The following BICD1 variants were observed in gnomAD, a reference collection of about 807,000 sequenced individuals.
BICD1 encodes the protein BICD cargo adaptor 1, also known as protein bicaudal D homolog 1.
A neutral mutation model predicts 92.5 loss-of-function variants in BICD1; 35 were observed. That is an observed-to-expected ratio of 0.38 (90% CI 0.29 to 0.50). The LOEUF (loss-of-function observed/expected upper bound fraction) is 0.50, where lower values mean the gene tolerates loss of function less well. BICD1 is among the 20% of genes least tolerant of loss of function. The pLI is 0.93. For missense variants in BICD1, 950 were observed against 1,189.8 expected, an observed-to-expected ratio of 0.80 and a Z score of 2.97; for synonymous variants, 429 against 465.1, an observed-to-expected ratio of 0.92 and a Z score of 1.00.
chr12:32,251,984 T>A (rs1330695713), intron 2 of BICD1, among the ~76,000 whole-genome samples: 1 of 46,036 alleles, frequency 2.2e-5, no homozygotes. Context: ...TACCACTATA[T>A]ATATAATATA....
intron 2 of BICD1, 57 bp from the exon 3 acceptor site, chr12:32,293,937 C>T: frequency 1.3e-6 from 2 of 1,537,532 alleles, no homozygotes; most frequent in South Asian, 2.5e-5. Flanking sequence ...GGACTTTACA[C>T]CTTGTAAAAT....
At chr12:32,180,009 T>A (rs1310763904) in intron 1 of BICD1, among the ~76,000 whole-genome samples, 1 of 120,082 alleles carries the variant, frequency 8.3e-6, no homozygotes, top group Non-Finnish European at 1.8e-5. Context: ...AAAAAAAAAA[T>A]TGGCATGAGA....
chr12:32,228,079 G>T, intron 2 of BICD1: 1 of 235,558 alleles, frequency 4.2e-6, no homozygotes, highest in South Asian at 7.6e-5. Flanking sequence ...AGTTCCACAT[G>T]GACGTAGGAC....
At chr12:32,229,691 A>G (rs1945813059) in intron 2 of BICD1, among the ~76,000 whole-genome samples, 1 of 152,170 alleles carries the variant, frequency 6.6e-6, no homozygotes. Flanking sequence ...GCAGGCAGAG[A>G]ATAGAAGCGT....
In BICD1 at chr12:32,377,806, T is replaced by C; in HGVS notation, c.*179T>C. On this transcript the variant is annotated 3_prime_UTR_variant, in exon 10 of 10. Coordinates refer to ENST00000652176, the MANE Select transcript of BICD1 (RefSeq NM_001714.4). ...ACACGAAGCACAGACCCTGATGTGATAAAACATTTTGTGGTTTCTCTGAGT... is the reference window on the plus strand; with the variant it reads ...ACACGAAGCACAGACCCTGATGTGACAAAACATTTTGTGGTTTCTCTGAGT... 2.0e-6 allele frequency: 1 copy of C among 512,434 alleles called. No individual in the cohort carries two copies. Among genetic ancestry groups the C allele is most frequent in the East Asian group, 3.1e-5 (1 of 32,286 alleles). The allele number at this position is 512,434 out of a possible 1,614,324, so 31.7% of individuals were successfully genotyped here. A position where few individuals can be genotyped will look rare whatever the true frequency, so the allele number is the denominator to read the frequency against.
intron 8 of BICD1, among the ~76,000 whole-genome samples, chr12:32,357,690 A>G (rs940865325): frequency 2.9e-4 from 44 of 152,176 alleles, no homozygotes; most frequent in African/African-American, 1.1e-3. Flanking sequence ...GGATTGCAGA[A>G]GGCCACCTTC....
chr12:32,320,293 G>T (rs1031866093), intron 4 of BICD1, among the ~76,000 whole-genome samples: 12 of 152,106 alleles, frequency 7.9e-5, no homozygotes, highest in Admixed American at 2.0e-4. Flanking sequence ...ATTGCATGAG[G>T]CCAGGAACTC....
At chr12:32,198,676 A>G (rs974506432) in intron 1 of BICD1, among the ~76,000 whole-genome samples, 2 of 151,668 alleles carry the variant, frequency 1.3e-5, no homozygotes, top group East Asian at 3.9e-4. Flanking sequence ...CTGTTTGTAC[A>G]CAAGAACTGT....
At chr12:32,308,459 T>C (rs1948289505) in intron 4 of BICD1, among the ~76,000 whole-genome samples, 1 of 152,234 alleles carries the variant, frequency 6.6e-6, no homozygotes, top group Admixed American at 6.5e-5. Flanking sequence ...TTATGAGTTA[T>C]ATGCAGAGTG....
At chr12:32,281,171 T>C (rs1947402476) in intron 2 of BICD1, among the ~76,000 whole-genome samples, 1 of 152,208 alleles carries the variant, frequency 6.6e-6, no homozygotes, top group South Asian at 2.1e-4. Flanking sequence ...ATTACCTTAT[T>C]ACTCTTTCCC....
At position 32,174,404 on chromosome 12, in the gene BICD1, G is replaced by C. The variant is rs528751566; in HGVS notation, c.214-41843G>C. 1.6e-4 allele frequency among the ~76,000 whole-genome samples: 24 copies of C among 152,162 alleles called. 1 individual carries two copies. The South Asian group carries it at 4.2e-3, about 26-fold the overall frequency. ...TGTAGTCCCAACCACCTGGGAGGCC[G>C]AGGTGGGAGGATTGCTTAAGCCCAG... On this transcript the variant is annotated intron_variant, in intron 1 of 9. Coordinates refer to ENST00000652176, the MANE Select transcript of BICD1 (RefSeq NM_001714.4).
At chr12:32,246,029 C>CAAAAAAAAAA (rs71068311) in intron 2 of BICD1, among the ~76,000 whole-genome samples, 7 of 44,088 alleles carry the variant, frequency 1.6e-4, no homozygotes, top group East Asian at 9.8e-4. Context: ...TACTCTGTCT[C>CAAAAAAAAAA]AAAAAAAAAA....
chr12:32,344,664 G>A (rs1325127768), intron 8 of BICD1, among the ~76,000 whole-genome samples: 4 of 152,150 alleles, frequency 2.6e-5, no homozygotes, highest in African/African-American at 4.8e-5. Flanking sequence ...GTGCACACAC[G>A]ACCTGCTCTT....
At chr12:32,367,513 C>A in intron 8 of BICD1, 157 bp from the exon 9 acceptor site, 1 of 567,922 alleles carries the variant, frequency 1.8e-6, no homozygotes, top group South Asian at 2.9e-5. Flanking sequence ...TTTCTATTGG[C>A]ATCATTCAAG....
intron 4 of BICD1, among the ~76,000 whole-genome samples, chr12:32,317,910 A>G (rs1948548125): frequency 1.3e-5 from 2 of 152,112 alleles, no homozygotes; most frequent in South Asian, 4.2e-4. Flanking sequence ...GAAGGGATCC[A>G]GTTTCAGCTT....
chr12:32,346,220 A>G (rs1345848706), intron 8 of BICD1, among the ~76,000 whole-genome samples: 1 of 151,772 alleles, frequency 6.6e-6, no homozygotes, highest in Non-Finnish European at 1.5e-5. Context: ...TATATCCATA[A>G]TGTGATCATT....
At chr12:32,213,928 T>C (rs1450345100) in intron 1 of BICD1, among the ~76,000 whole-genome samples, 1 of 152,244 alleles carries the variant, frequency 6.6e-6, no homozygotes, top group Non-Finnish European at 1.5e-5. Flanking sequence ...TGATGATTCT[T>C]ACCTGTAACA....
intron 2 of BICD1, among the ~76,000 whole-genome samples, chr12:32,230,359 C>T (rs1945840360): frequency 6.6e-6 from 1 of 151,580 alleles, no homozygotes; most frequent in Non-Finnish European, 1.5e-5. Flanking sequence ...AAGGTCACAC[C>T]ACTGCACTCC....
intron 4 of BICD1, among the ~76,000 whole-genome samples, chr12:32,306,730 T>C (rs1389248636): frequency 1.3e-4 from 20 of 151,790 alleles, no homozygotes; most frequent in Admixed American, 1.2e-3. Context: ...AAAAAGTTCC[T>C]TGGGCCGGGC....
Sources: allele counts gnomAD v4.1 joint callset (sites outside exome capture counted in the v4.1 genomes callset), GRCh38; gene constraint gnomAD v4.1.1; transcripts MANE v1.5; gene names NCBI Gene and HGNC (gene_info 2026-07-23, HGNC 2026-07-21).